The following CCDC25 variants were observed in gnomAD, a reference collection of about 807,000 sequenced individuals.
CCDC25 encodes the protein coiled-coil domain-containing protein 25.
A neutral mutation model predicts 35.3 loss-of-function variants in CCDC25; 16 were observed. The ratio of observed to expected loss-of-function variants is 0.45; its 90% CI spans 0.31 to 0.69. CCDC25 has a LOEUF of 0.69. Ranked by LOEUF, CCDC25 falls within the 30% of genes least tolerant of loss-of-function variation. The pLI, the probability that CCDC25 is intolerant of heterozygous loss-of-function variation, is 0.06. For synonymous variants in CCDC25, 79 were observed against 80.3 expected (o/e 0.98, Z 0.09); for missense variants, 179 against 250.7 (o/e 0.71, Z 1.93).
At position 27,737,259 on chromosome 8, in the gene CCDC25, T is replaced by G. The variant is rs1435613500; in HGVS notation, c.598-1014A>C. 6.6e-6 allele frequency among the ~76,000 whole-genome samples: 1 copy of G among 152,206 alleles called. No homozygotes were observed. Among genetic ancestry groups the G allele is most frequent in the Admixed American group, 6.5e-5 (1 of 15,278 alleles). On this transcript the variant is annotated intron_variant, in intron 8 of 8. Transcript: ENST00000356537. This position sits in a 1 kb window ranked among gnomAD's most constrained non-coding sequence, Gnocchi z 4.6. Reference sequence around the variant, plus strand: ...GTGTTATATCCAGGCGCAAAGACTATGATTGCCCCAGAGTCTTAATCTGAA... The same window carrying G: ...GTGTTATATCCAGGCGCAAAGACTAGGATTGCCCCAGAGTCTTAATCTGAA...
intron 2 of CCDC25, among the ~76,000 whole-genome samples, chr8:27,763,685 T>G (rs1282116261): frequency 6.6e-6 from 1 of 152,156 alleles, no homozygotes; most frequent in Non-Finnish European, 1.5e-5. Context: ...GCCACTGCAC[T>G]CCAGCCTGGG....
rs904397395 is a variant in CCDC25, at chr8:27,736,746, G to A, written c.598-501C>T. Among the ~76,000 whole-genome samples, 7 of 151,734 alleles carry A rather than the reference G, an allele frequency of 4.6e-5. No homozygotes were observed. In the South Asian group the frequency reaches 1.5e-3, roughly 32 times the overall value. ...CTTTTTTAATAGGAAAGGCCATCAG[G>A]AAGTCAAACATAGGCTAGTTTACCA... On this transcript the variant is annotated intron_variant, in intron 8 of 8. Coordinates refer to ENST00000356537, the MANE Select transcript of CCDC25 (RefSeq NM_018246.3).
chr8:27,755,745 C>G (rs983152324), intron 4 of CCDC25, among the ~76,000 whole-genome samples: 3 of 152,186 alleles, frequency 2.0e-5, no homozygotes, highest in Admixed American at 6.5e-5. Context: ...ATATTCTCCC[C>G]CTAAACCCAT....
chr8:27,753,202 A>G (rs1274893048), intron 4 of CCDC25, among the ~76,000 whole-genome samples: 1 of 152,210 alleles, frequency 6.6e-6, no homozygotes, highest in African/African-American at 2.4e-5. Context: ...TTACAGATGC[A>G]GAAACAGGCC....
At chr8:27,740,987 G>A (rs1360858382) in intron 7 of CCDC25, among the ~76,000 whole-genome samples, 1 of 152,172 alleles carries the variant, frequency 6.6e-6, no homozygotes, top group Non-Finnish European at 1.5e-5. Flanking sequence ...AAGTGGGCAG[G>A]ATGAGTGAGG....
chr8:27,740,633 A>G (rs1483964471), intron 7 of CCDC25, 116 bp from the exon 8 acceptor site: 1 of 788,392 alleles, frequency 1.3e-6, no homozygotes, highest in Admixed American at 2.5e-5. Flanking sequence ...GAAACACAAG[A>G]GCTATTAGAT....
chr8:27,750,051 G>T (rs1209988755), intron 5 of CCDC25, among the ~76,000 whole-genome samples: 1 of 152,180 alleles, frequency 6.6e-6, no homozygotes, highest in Non-Finnish European at 1.5e-5. Context: ...GCACTGTGGG[G>T]GACACAAACA....
In CCDC25 at chr8:27,768,990, T is replaced by C. The variant is rs1804496651; in HGVS notation, c.28+3523A>G. Among the ~76,000 whole-genome samples, 11 of 152,336 alleles carry C rather than the reference T, an allele frequency of 7.2e-5. 1 individual carries two copies. The South Asian group carries it at 2.3e-3, about 32-fold the overall frequency. Reference sequence around the variant, plus strand: ...AATGGAACACATTTTAGTCAGATATTAATCTTAAAATGTAAAAGAACAACT... The same window carrying C: ...AATGGAACACATTTTAGTCAGATATCAATCTTAAAATGTAAAAGAACAACT... On this transcript the variant is annotated intron_variant, in intron 1 of 8. Transcript: ENST00000356537.
Position 27,759,779 on chromosome 8 carries a change from CAAAAA to C in CCDC25, c.116+2635_116+2639del, listed in dbSNP as rs77051762. Among the ~76,000 whole-genome samples, 6 of 91,274 alleles carry C rather than the reference CAAAAA, an allele frequency of 6.6e-5. 1 individual carries two copies. The highest frequency in any genetic ancestry group is 2.4e-4 in the African/African-American group (5 of 20,888). The allele number at this position is 91,274 out of a possible 152,430, so 59.9% of individuals were successfully genotyped here. On this transcript the variant is annotated intron_variant, in intron 3 of 8. Transcript: ENST00000356537. Reference sequence around the variant, plus strand: ...TGGGTGACAGAGCAAGACTCTGTCTCAAAAAAAAAAAAAAAAAAAAGATGAATTTA... The same window carrying C: ...TGGGTGACAGAGCAAGACTCTGTCTCAAAAAAAAAAAAAAAGATGAATTTA...
chr8:27,740,869 G>A (rs149714300), intron 7 of CCDC25, among the ~76,000 whole-genome samples: 9 of 152,244 alleles, frequency 5.9e-5, no homozygotes, highest in African/African-American at 2.2e-4. Flanking sequence ...GAGGTATACA[G>A]CTCAGATTGT....
rs935379720 is a variant in CCDC25, at chr8:27,772,638, A to G, written c.-98T>C. On this transcript the variant is annotated 5_prime_UTR_variant, in exon 1 of 9. Coordinates refer to ENST00000356537, the MANE Select transcript of CCDC25 (RefSeq NM_018246.3). ...TCGCGGCGGCCGCCTGGCCCCCGGA[A>G]CTCCTCCGTGCACTTCCGGCGGACG... The G allele has an allele frequency of 2.3e-5, 28 of 1,210,384 alleles. No homozygotes were observed. Among genetic ancestry groups the G allele is most frequent in the Non-Finnish European group, 3.2e-5 (27 of 852,430 alleles). 75.0% of individuals were successfully genotyped at this position (1,210,384 alleles called of 1,614,324 possible). A position where few individuals can be genotyped will look rare whatever the true frequency, so the allele number is the denominator to read the frequency against.
At chr8:27,763,257 A>G (rs1804287079) in intron 2 of CCDC25, among the ~76,000 whole-genome samples, 2 of 152,218 alleles carry the variant, frequency 1.3e-5, no homozygotes, top group African/African-American at 4.8e-5. Flanking sequence ...TCCTTAAGGT[A>G]TATTTCTAAA....
intron 5 of CCDC25, among the ~76,000 whole-genome samples, chr8:27,750,407 T>TGG (rs1331083508): frequency 6.6e-6 from 1 of 152,000 alleles, no homozygotes; most frequent in Admixed American, 6.6e-5. Context: ...CTCAACGGGG[T>TGG]GGATAATTTA....
Position 27,740,479 on chromosome 8 carries a change from G to A in CCDC25, c.590C>T (p.Ser197Leu), listed in dbSNP as rs1421037485. 6.2e-6 allele frequency: 10 copies of A among 1,612,622 alleles called. No individual in the cohort carries two copies. The highest frequency in any genetic ancestry group is 4.0e-5 in the African/African-American group (3 of 74,816). ...CAAACCACTTGAACATACCTGATTT[G>A]AAGACATATTTTCAACTTTCATTAG... is the stretch of plus-strand genomic sequence containing the variant. ...SSLMKVENMS[S>L]NQDGNDSDEF... Residue 197 changes from serine (S) to leucine (L), a missense_variant, in exon 8 of 9, where the codon TCA (serine) becomes TTA (leucine). By Grantham distance (145) the Ser-to-Leu change is moderately radical. Transcript: ENST00000356537.
At chr8:27,743,427 C>G (rs1372905293) in intron 7 of CCDC25, among the ~76,000 whole-genome samples, 1 of 152,228 alleles carries the variant, frequency 6.6e-6, no homozygotes, top group African/African-American at 2.4e-5. Flanking sequence ...CCTGCATGGA[C>G]TGGCCCCTTG....
chr8:27,771,745 T>C (rs1355931497), intron 1 of CCDC25, among the ~76,000 whole-genome samples: 2 of 152,154 alleles, frequency 1.3e-5, no homozygotes, highest in Non-Finnish European at 1.5e-5. Flanking sequence ...AGGAAAGGAA[T>C]AGCTAAGCAA....
intron 7 of CCDC25, among the ~76,000 whole-genome samples, chr8:27,743,278 A>T (rs1803499991): frequency 6.6e-6 from 1 of 152,190 alleles, no homozygotes; most frequent in Non-Finnish European, 1.5e-5. Context: ...ACCTAGTCAC[A>T]CCCACTCTGG....
At chr8:27,736,395 CTTAAG>C in intron 8 of CCDC25, 150 bp from the exon 9 acceptor site, 3 of 647,286 alleles carry the variant, frequency 4.6e-6, no homozygotes, top group Non-Finnish European at 8.0e-6. Context: ...ACTTCTCCGC[CTTAAG>C]TTGTCAGTTT....
At chr8:27,740,652 T>A in intron 7 of CCDC25, 135 bp from the exon 8 acceptor site, 1 of 684,454 alleles carries the variant, frequency 1.5e-6, no homozygotes, top group Non-Finnish European at 2.5e-6. Flanking sequence ...ATATAATCTC[T>A]GCACTCAAGG....
Sources: allele counts gnomAD v4.1 joint callset (sites outside exome capture counted in the v4.1 genomes callset), GRCh38; gene constraint gnomAD v4.1.1; non-coding constraint Gnocchi (gnomAD v3.1); transcripts MANE v1.5; gene names NCBI Gene and HGNC (gene_info 2026-07-23, HGNC 2026-07-21).